Variants in USP12 observed in about 807,000 individuals in gnomAD.
The protein encoded by USP12 is ubiquitin specific peptidase 12, also known as ubiquitin carboxyl-terminal hydrolase 12.
A neutral mutation model predicts 45.5 loss-of-function variants in USP12; 19 were observed. The observed-to-expected ratio is 0.42, with a 90% CI of 0.29 to 0.61. USP12 has a LOEUF of 0.61. USP12 is among the 20% of genes least tolerant of loss of function. USP12 has a pLI of 0.22. For synonymous variants in USP12, 149 were observed against 148.8 expected (o/e 1.00, Z -0.01); for missense variants, 242 against 447.7 (o/e 0.54, Z 4.15).
chr13:27,168,370 A>G (rs1878439809), intron 1 of USP12, among the ~76,000 whole-genome samples: 1 of 152,224 alleles, frequency 6.6e-6, no homozygotes, highest in Admixed American at 6.5e-5. Flanking sequence ...TGGAGCTAAC[A>G]GTAAGTAGTG....
chr13:27,072,102 A>C (rs974739119), intron 7 of USP12, among the ~76,000 whole-genome samples: 1 of 146,750 alleles, frequency 6.8e-6, no homozygotes, highest in South Asian at 2.1e-4. Context: ...CAACAAAAAT[A>C]CTTTTTTTTT....
intron 6 of USP12, among the ~76,000 whole-genome samples, chr13:27,086,197 A>AAAAT (rs1555233235): frequency 1.8e-5 from 1 of 56,938 alleles, no homozygotes; most frequent in South Asian, 7.3e-4. Flanking sequence ...AAAAAAAAAA[A>AAAAT]ATATATATAT....
chr13:27,171,282 T>A (rs1381555698), intron 1 of USP12, among the ~76,000 whole-genome samples: 1 of 149,572 alleles, frequency 6.7e-6, no homozygotes, highest in South Asian at 2.1e-4. Context: ...CCCCAGCAGT[T>A]CAGCCGGGGA....
chr13:27,082,921 C>T (rs574083888), intron 6 of USP12, among the ~76,000 whole-genome samples: 3 of 152,282 alleles, frequency 2.0e-5, no homozygotes, highest in East Asian at 1.9e-4. Flanking sequence ...CCGCAACCTC[C>T]GCCTCCCAGG....
chr13:27,100,867 T>C (rs1413035451), intron 3 of USP12, among the ~76,000 whole-genome samples: 1 of 152,230 alleles, frequency 6.6e-6, no homozygotes, highest in African/African-American at 2.4e-5. Flanking sequence ...TAGTTAAGGT[T>C]AGAGATGAAT....
intron 6 of USP12, among the ~76,000 whole-genome samples, chr13:27,082,577 T>C (rs1249982898): frequency 1.3e-5 from 2 of 152,246 alleles, no homozygotes. Flanking sequence ...GGCTGTTTGG[T>C]GCAAGAGGCC....
intron 6 of USP12, among the ~76,000 whole-genome samples, chr13:27,076,756 AT>A (rs1477790281): frequency 6.6e-6 from 1 of 152,186 alleles, no homozygotes; most frequent in Non-Finnish European, 1.5e-5. Flanking sequence ...GAAAAAAAAA[AT>A]CATTTTATAA....
intron 1 of USP12, among the ~76,000 whole-genome samples, chr13:27,151,015 C>A (rs1877542602): frequency 6.6e-6 from 1 of 151,912 alleles, no homozygotes; most frequent in South Asian, 2.1e-4. Context: ...AAATATGACA[C>A]CAAAAGCATG....
intron 1 of USP12, among the ~76,000 whole-genome samples, chr13:27,145,323 TAAC>T (rs1877263951): frequency 6.6e-6 from 1 of 152,184 alleles, no homozygotes; most frequent in South Asian, 2.1e-4. Flanking sequence ...TGAACTATAG[TAAC>T]AATAGTGCTA....
At chr13:27,153,937 A>G (rs796763711) in intron 1 of USP12, among the ~76,000 whole-genome samples, 3 of 152,366 alleles carry the variant, frequency 2.0e-5, no homozygotes, top group African/African-American at 7.2e-5. Context: ...CTGAGGTATC[A>G]AATCTAATTA....
intron 1 of USP12, among the ~76,000 whole-genome samples, chr13:27,133,398 T>C (rs1260472723): frequency 6.6e-6 from 1 of 152,136 alleles, no homozygotes; most frequent in East Asian, 1.9e-4. Flanking sequence ...CTAAATTACG[T>C]AAAAAGCTTT....
intron 1 of USP12, among the ~76,000 whole-genome samples, chr13:27,166,876 G>T (rs991655815): frequency 2.0e-5 from 3 of 151,852 alleles, no homozygotes; most frequent in African/African-American, 7.3e-5. Flanking sequence ...ATGCTTTATT[G>T]GGCTCATCTC....
Position 27,066,586 on chromosome 13 carries a change from G to A in USP12, c.*2697C>T, listed in dbSNP as rs1873004886. On this transcript the variant is annotated 3_prime_UTR_variant, in exon 9 of 9. Coordinates refer to ENST00000282344, the MANE Select transcript of USP12 (RefSeq NM_182488.4). Reference sequence around the variant, plus strand: ...TCTTTCCCTGTTCCCAAGCCTCCTGGTTCCTGTCTTAAATAATCTTTTAAA... The same window carrying A: ...TCTTTCCCTGTTCCCAAGCCTCCTGATTCCTGTCTTAAATAATCTTTTAAA... 1 of 152,096 alleles carries A rather than the reference G, an allele frequency of 6.6e-6. No homozygotes were observed. The highest frequency in any genetic ancestry group is 2.4e-5 in the African/African-American group (1 of 41,382). 9.4% of individuals were successfully genotyped at this position (152,096 alleles called of 1,614,324 possible).
rs116969880 is a variant in USP12, at chr13:27,110,783, C to G, written c.130-4839G>C. ...ATCTGTCTTTAAAATTGTATTTGTA[C>G]TACAATCTAATCAAGCTAACGACCA... On this transcript the variant is annotated intron_variant, in intron 2 of 8. Coordinates refer to ENST00000282344, the MANE Select transcript of USP12 (RefSeq NM_182488.4). Among the ~76,000 whole-genome samples, 4 of 152,158 alleles carry G rather than the reference C, an allele frequency of 2.6e-5. No individual in the cohort carries two copies. The South Asian group carries it at 8.3e-4, about 32-fold the overall frequency.
chr13:27,121,030 A>C (rs182027167), intron 1 of USP12, among the ~76,000 whole-genome samples: 428 of 152,298 alleles, frequency 2.8e-3, no homozygotes, highest in Non-Finnish European at 4.3e-3. Context: ...AACGGTATGC[A>C]GGAAACAGAT....
Position 27,067,351 on chromosome 13 carries a change from C to G in USP12, c.*1932G>C, listed in dbSNP as rs1158394621. The stretch of plus-strand genomic sequence containing the variant: ...AGCCTTCAAAATAAAAAGAGTGCAT[C>G]CACTTCCACTGCCCTGACTTTCCCC... On this transcript the variant is annotated 3_prime_UTR_variant, in exon 9 of 9. Coordinates refer to ENST00000282344, the MANE Select transcript of USP12 (RefSeq NM_182488.4). 1 of 152,090 alleles carries G rather than the reference C, an allele frequency of 6.6e-6. No individual in the cohort carries two copies. The highest frequency in any genetic ancestry group is 1.9e-4 in the East Asian group (1 of 5,196). 9.4% of individuals were successfully genotyped at this position (152,090 alleles called of 1,614,324 possible).
At chr13:27,127,530 T>C (rs1256595437) in intron 1 of USP12, among the ~76,000 whole-genome samples, 3 of 152,208 alleles carry the variant, frequency 2.0e-5, no homozygotes, top group South Asian at 2.1e-4. Flanking sequence ...ATTTGTTCCA[T>C]TGCAGGAAGA....
At chr13:27,126,227 G>A (rs961909454) in intron 1 of USP12, among the ~76,000 whole-genome samples, 2 of 152,172 alleles carry the variant, frequency 1.3e-5, no homozygotes, top group African/African-American at 2.4e-5. Flanking sequence ...AGTAGGGGCC[G>A]ACAGACACCT....
chr13:27,111,384 A>G (rs956226994), intron 2 of USP12, among the ~76,000 whole-genome samples: 3 of 152,142 alleles, frequency 2.0e-5, no homozygotes, highest in Non-Finnish European at 2.9e-5. Context: ...TGAATGCTCA[A>G]TTTCTTAAAA....
Sources: gnomAD v4.1 joint callset for allele counts (sites outside exome capture counted in the v4.1 genomes callset) on GRCh38, gnomAD v4.1.1 for gene constraint, MANE v1.5 for transcripts, NCBI Gene and HGNC (gene_info 2026-07-23, HGNC 2026-07-21) for gene names.